GALM: variants seen among roughly 807,000 people sequenced by gnomAD.
GALM encodes aldose 1-epimerase.
A neutral mutation model predicts 37.4 loss-of-function variants in GALM; 43 were observed. The observed-to-expected ratio is 1.15, with a 90% confidence interval of 0.90 to 1.48. The LOEUF is 1.48. Among genes scored for constraint, GALM ranks in the 40% most tolerant of loss-of-function variants. The probability of loss-of-function intolerance (pLI) is 0.00; values close to 1 mark genes in which losing one functional copy is unlikely to be tolerated. For synonymous variants in GALM, 199 were observed against 170.6 expected, an observed-to-expected ratio of 1.17 and a Z score of -1.30; for missense variants, 456 against 419.1, an observed-to-expected ratio of 1.09 and a Z score of -0.77.
At chr2:38,719,468 CAAA>C (rs35387905) in intron 4 of GALM, among the ~76,000 whole-genome samples, 13 of 140,642 alleles carry the variant, frequency 9.2e-5, no homozygotes, top group African/African-American at 3.2e-4. Context: ...GACTTTGTCT[CAAA>C]AAAAAAAAAA....
intron 4 of GALM, among the ~76,000 whole-genome samples, chr2:38,725,611 A>T (rs934552317): frequency 1.7e-4 from 26 of 152,222 alleles, no homozygotes; most frequent in African/African-American, 6.3e-4. Flanking sequence ...GCTACTCAGG[A>T]GGCTGAGGCA....
rs1666651256 is a variant in GALM at position 38,733,640 on chromosome 2, T to A, written c.*75T>A. 3 of 1,055,228 alleles carry A rather than the reference T, an allele frequency of 2.8e-6. No individual in the cohort carries two copies. Among genetic ancestry groups the A allele is most frequent in the African/African-American group, 1.6e-5 (1 of 63,290 alleles). The allele number at this position is 1,055,228 out of a possible 1,614,324, so 65.4% of individuals were successfully genotyped here. A position where few individuals can be genotyped will look rare whatever the true frequency, so the allele number is the denominator to read the frequency against. ...TCCTGTCCAGAAAAAAGGTGAAGATTAAGAAGCTTTCAGAATGATTCTATG... is the reference window on the plus strand; with the variant it reads ...TCCTGTCCAGAAAAAAGGTGAAGATAAAGAAGCTTTCAGAATGATTCTATG... On this transcript the variant is annotated 3_prime_UTR_variant, in exon 7 of 7. Transcript: ENST00000272252.
chr2:38,667,757 A>G (rs1664986633), intron 1 of GALM, among the ~76,000 whole-genome samples: 1 of 151,670 alleles, frequency 6.6e-6, no homozygotes, highest in South Asian at 2.1e-4. Flanking sequence ...GAATCACTTG[A>G]ATCTGGGAGG....
Position 38,729,845 on chromosome 2 carries a change from A to G in GALM, c.776+148A>G, listed in dbSNP as rs541589389. 348 of 656,382 alleles carry G rather than the reference A, an allele frequency of 5.3e-4. 1 individual carries two copies. The highest frequency in any genetic ancestry group is 8.5e-4 in the Non-Finnish European group (328 of 383,914). The allele number at this position is 656,382 out of a possible 1,614,324, so 40.7% of individuals were successfully genotyped here. On this transcript the variant is annotated intron_variant, in intron 5 of 6. Transcript: ENST00000272252. ...CATCCCATATTTTCTCAAAGCTCCC[A>G]TGGCACAGGTGAGCTCTGTAGAATT...
intron 3 of GALM, chr2:38,682,271 A>G: frequency 2.2e-6 from 1 of 455,220 alleles, no homozygotes; most frequent in South Asian, 1.6e-5. Flanking sequence ...GGAGGATATC[A>G]TATCAGACAG....
intron 4 of GALM, among the ~76,000 whole-genome samples, chr2:38,704,752 C>A (rs546537926): frequency 6.6e-6 from 1 of 151,764 alleles, no homozygotes; most frequent in Admixed American, 6.6e-5. Context: ...GACATTGGAC[C>A]CTATGAAATG....
chr2:38,666,376 G>A (rs755244289), intron 1 of GALM, 25 bp downstream of exon 1: 1 of 1,571,020 alleles, frequency 6.4e-7, no homozygotes, highest in Non-Finnish European at 8.7e-7. Flanking sequence ...GCCCTGGGCT[G>A]CGAGCAGGCC....
chr2:38,724,623 G>GT (rs906610170), intron 4 of GALM, among the ~76,000 whole-genome samples: 2 of 152,140 alleles, frequency 1.3e-5, no homozygotes, highest in African/African-American at 2.4e-5. Context: ...AGCCTTCACT[G>GT]TTTTTTTCTT....
chr2:38,733,593 G>A lies in GALM; in HGVS notation c.*28G>A. The A allele has an allele frequency of 6.4e-7, 1 of 1,554,232 alleles. No homozygotes were observed. The highest frequency in any genetic ancestry group is 2.2e-5 in the East Asian group (1 of 44,586). ...AAGTGTGAAGATATGATCCAGTCCAGGGCTAGGCTCAGCCACCTGTCTCCT... is the reference window on the plus strand; with the variant it reads ...AAGTGTGAAGATATGATCCAGTCCAAGGCTAGGCTCAGCCACCTGTCTCCT... On this transcript the variant is annotated 3_prime_UTR_variant, in exon 7 of 7. Transcript: ENST00000272252.
At chr2:38,719,784 A>G (rs1666339629) in intron 4 of GALM, among the ~76,000 whole-genome samples, 1 of 151,010 alleles carries the variant, frequency 6.6e-6, no homozygotes. Context: ...CAAAAAAAAA[A>G]AAAAAAAGAT....
chr2:38,668,389 A>C (rs1665008394), intron 1 of GALM: 1 of 152,128 alleles, frequency 6.6e-6, no homozygotes, highest in Non-Finnish European at 1.5e-5. Context: ...TTTGTTGTAG[A>C]GGTGTGGGCT....
intron 4 of GALM, among the ~76,000 whole-genome samples, chr2:38,710,287 G>A (rs1346581028): frequency 6.6e-6 from 1 of 152,188 alleles, no homozygotes; most frequent in African/African-American, 2.4e-5. Context: ...GCTATTTAGA[G>A]CCTATAAAAT....
intron 4 of GALM, among the ~76,000 whole-genome samples, chr2:38,695,041 G>A (rs1420698536): frequency 1.3e-5 from 2 of 151,988 alleles, no homozygotes; most frequent in Non-Finnish European, 2.9e-5. Flanking sequence ...ATCTTGTTAT[G>A]AACAAGTTGT....
At chr2:38,701,104 G>A (rs538951926) in intron 4 of GALM, among the ~76,000 whole-genome samples, 1 of 152,174 alleles carries the variant, frequency 6.6e-6, no homozygotes, top group Non-Finnish European at 1.5e-5. Context: ...CAGATCCCTG[G>A]TACCCTGCTT....
chr2:38,704,117 A>G (rs1349492081), intron 4 of GALM, among the ~76,000 whole-genome samples: 3 of 151,986 alleles, frequency 2.0e-5, no homozygotes, highest in Admixed American at 1.3e-4. Context: ...TTGGCCCACA[A>G]AGGGGGTTTT....
intron 1 of GALM, among the ~76,000 whole-genome samples, chr2:38,675,543 T>TGTGTGTG (rs1275396679): frequency 2.4e-4 from 8 of 33,654 alleles, no homozygotes; most frequent in East Asian, 8.3e-4. Context: ...TTTTTTTTTT[T>TGTGTGTG]TGTGTGTGTG....
intron 4 of GALM, among the ~76,000 whole-genome samples, chr2:38,702,932 T>TTATATATA (rs202010853): frequency 1.5e-5 from 2 of 134,874 alleles, no homozygotes; most frequent in East Asian, 4.2e-4. Flanking sequence ...TATATACTTT[T>TTATATATA]TATATATATA....
intron 1 of GALM, among the ~76,000 whole-genome samples, chr2:38,675,500 C>T (rs1346537409): frequency 2.7e-5 from 4 of 147,176 alleles, no homozygotes; most frequent in African/African-American, 1.0e-4. Context: ...TGGCATGCAA[C>T]ACACCTTTGG....
At chr2:38,725,453 C>T (rs533216783) in intron 4 of GALM, among the ~76,000 whole-genome samples, 19 of 151,892 alleles carry the variant, frequency 1.3e-4, no homozygotes, top group Non-Finnish European at 2.2e-4. Flanking sequence ...GGAGGATTAC[C>T]TGAGCCTGGC....
Sources: allele counts gnomAD v4.1 joint callset (sites outside exome capture counted in the v4.1 genomes callset), GRCh38; gene constraint gnomAD v4.1.1; transcripts MANE v1.5; gene names NCBI Gene and HGNC (gene_info 2026-07-23, HGNC 2026-07-21).